Variants in SUSD4 observed in about 807,000 individuals in gnomAD.
The protein encoded by SUSD4 is sushi domain containing 4.
A neutral mutation model predicts 50.5 loss-of-function variants in SUSD4; 41 were observed. The ratio of observed to expected loss-of-function variants is 0.81; its 90% CI spans 0.63 to 1.05. The LOEUF is 1.05. Among genes scored for constraint, SUSD4 ranks in the 50% least tolerant of loss-of-function variants. The pLI is 0.00. For missense variants in SUSD4, 580 were observed against 634.7 expected (o/e 0.91, Z 0.93); for synonymous variants, 257 against 257.3 (o/e 1.00, Z 0.01).
chr1:223,255,866 G>C (rs890503106), intron 5 of SUSD4, among the ~76,000 whole-genome samples: 7 of 152,222 alleles, frequency 4.6e-5, no homozygotes, highest in Non-Finnish European at 7.3e-5. Flanking sequence ...GCCCAGGAGA[G>C]GCTAATTGAG....
rs1480688813 is a variant in SUSD4 at position 223,238,440 on chromosome 1, T to C, written c.725-9052A>G. 4.6e-5 allele frequency among the ~76,000 whole-genome samples: 7 copies of C among 152,164 alleles called. No homozygotes were observed. The East Asian group carries it at 1.2e-3, about 25-fold the overall frequency. Reference sequence around the variant, plus strand: ...TTTCCTAAGGTGAAAAGTTAGATTATTGATTTTAGATCTTTCTTCTTTTCT... The same window carrying C: ...TTTCCTAAGGTGAAAAGTTAGATTACTGATTTTAGATCTTTCTTCTTTTCT... On this transcript the variant is annotated intron_variant, in intron 5 of 8. Coordinates refer to ENST00000366878, the MANE Select transcript of SUSD4 (RefSeq NM_017982.4).
intron 5 of SUSD4, among the ~76,000 whole-genome samples, chr1:223,259,100 GA>G (rs948028749): frequency 6.6e-6 from 1 of 152,150 alleles, no homozygotes; most frequent in Non-Finnish European, 1.5e-5. Flanking sequence ...GCCCCAGGGG[GA>G]CAGAGACTTT....
Position 223,221,668 on chromosome 1 carries a change from C to T in SUSD4, c.*524G>A, listed in dbSNP as rs1431818664. 2 of 154,224 alleles carry T rather than the reference C, an allele frequency of 1.3e-5. No individual in the cohort carries two copies. Among genetic ancestry groups the T allele is most frequent in the Non-Finnish European group, 2.9e-5 (2 of 69,546 alleles). 9.6% of individuals were successfully genotyped at this position (154,224 alleles called of 1,614,324 possible). On this transcript the variant is annotated 3_prime_UTR_variant, in exon 9 of 9. Coordinates refer to ENST00000366878, the MANE Select transcript of SUSD4 (RefSeq NM_017982.4). ...CTCCAAATGTCACACAAGGACCTTT[C>T]CTTTGGGAGCTGGTCCCTTGCTGAG...
chr1:223,311,339 C>A (rs998206140), intron 2 of SUSD4, among the ~76,000 whole-genome samples: 51 of 152,314 alleles, frequency 3.3e-4, no homozygotes, highest in African/African-American at 1.2e-3. Flanking sequence ...AAATATCTTT[C>A]TCTCTGGTTT....
At chr1:223,359,816 G>A (rs1214462737) in intron 2 of SUSD4, among the ~76,000 whole-genome samples, 1 of 152,128 alleles carries the variant, frequency 6.6e-6, no homozygotes, top group Non-Finnish European at 1.5e-5. Flanking sequence ...GAGAAGTTAT[G>A]GCATTTAAAA....
At chr1:223,232,880 T>C (rs138064334) in intron 5 of SUSD4, among the ~76,000 whole-genome samples, 1 of 152,300 alleles carries the variant, frequency 6.6e-6, no homozygotes, top group East Asian at 1.9e-4. Context: ...AGTGAAACAA[T>C]TCCCAACTCC....
At chr1:223,338,406 C>T (rs1230388299) in intron 2 of SUSD4, among the ~76,000 whole-genome samples, 1 of 152,162 alleles carries the variant, frequency 6.6e-6, no homozygotes, top group Non-Finnish European at 1.5e-5. Context: ...GGGGAAGCGG[C>T]CAAGACTGAG....
intron 2 of SUSD4, among the ~76,000 whole-genome samples, chr1:223,343,948 C>T (rs1467641705): frequency 6.6e-6 from 1 of 152,174 alleles, no homozygotes; most frequent in Non-Finnish European, 1.5e-5. Flanking sequence ...ACGTGTCAAC[C>T]TCTGTTGAGC....
intron 2 of SUSD4, among the ~76,000 whole-genome samples, chr1:223,347,986 G>A (rs1668136060): frequency 6.6e-6 from 1 of 151,974 alleles, no homozygotes; most frequent in South Asian, 2.1e-4. Context: ...TTCCTCATCG[G>A]TAATTAAGGC....
intron 3 of SUSD4, among the ~76,000 whole-genome samples, chr1:223,282,117 C>T (rs1021599517): frequency 7.9e-5 from 12 of 152,236 alleles, no homozygotes; most frequent in Admixed American, 2.0e-4. Flanking sequence ...TTATGACAAA[C>T]CCACAGCCAA....
At chr1:223,303,682 T>G (rs1390730941) in intron 2 of SUSD4, among the ~76,000 whole-genome samples, 4 of 152,158 alleles carry the variant, frequency 2.6e-5, no homozygotes, top group Admixed American at 2.0e-4. Context: ...TCTGGTCCCA[T>G]GAGCCGCCAA....
upstream of SUSD4, among the ~76,000 whole-genome samples, chr1:223,365,008 C>T (rs1169138915): frequency 1.3e-5 from 2 of 152,070 alleles, no homozygotes; most frequent in African/African-American, 4.8e-5. Flanking sequence ...TGGAGATGCG[C>T]GGGGCCCTCG....
intron 3 of SUSD4, among the ~76,000 whole-genome samples, chr1:223,275,380 A>G (rs537095153): frequency 2.0e-5 from 3 of 152,356 alleles, no homozygotes; most frequent in South Asian, 4.1e-4. Flanking sequence ...TAATTATTTT[A>G]TCTTTAAAGA....
intron 2 of SUSD4, among the ~76,000 whole-genome samples, chr1:223,353,749 A>G (rs1668497603): frequency 1.3e-5 from 2 of 152,172 alleles, no homozygotes; most frequent in East Asian, 3.9e-4. Flanking sequence ...AGGAAGGGGC[A>G]GCAGCAGGGA....
chr1:223,334,311 C>T (rs912487037), intron 2 of SUSD4, among the ~76,000 whole-genome samples: 32 of 151,090 alleles, frequency 2.1e-4, no homozygotes, highest in African/African-American at 7.8e-4. Context: ...GAAAAGACAG[C>T]AAAAAAGCAC....
chr1:223,323,909 C>T (rs895073878), intron 2 of SUSD4, among the ~76,000 whole-genome samples: 11 of 151,776 alleles, frequency 7.2e-5, no homozygotes, highest in African/African-American at 2.7e-4. Context: ...TGGAATCAAT[C>T]TGCCCAATTA....
intron 2 of SUSD4, among the ~76,000 whole-genome samples, chr1:223,348,946 C>G (rs991991818): frequency 1.3e-5 from 2 of 152,070 alleles, no homozygotes; most frequent in Non-Finnish European, 2.9e-5. Flanking sequence ...CCTCCAGGAG[C>G]TGGTCCATGG....
Position 223,333,185 on chromosome 1 carries a change from C to T in SUSD4, c.148+30093G>A, listed in dbSNP as rs371934106. 4.1e-4 allele frequency among the ~76,000 whole-genome samples: 63 copies of T among 152,290 alleles called. 1 individual carries two copies. The South Asian group carries it at 0.013, about 31-fold the overall frequency. On this transcript the variant is annotated intron_variant, in intron 2 of 8. Transcript: ENST00000366878. ...GTGCACACACCCACGGGTGCACACC[C>T]TCCTTACTGAGAGGCAGTGCCAGGA...
intron 3 of SUSD4, among the ~76,000 whole-genome samples, chr1:223,278,619 G>A (rs1315151262): frequency 6.6e-6 from 1 of 152,240 alleles, no homozygotes; most frequent in Admixed American, 6.5e-5. Flanking sequence ...GCCTGCCTCT[G>A]TAGACTCCAC....
Sources: allele counts gnomAD v4.1 joint callset (sites outside exome capture counted in the v4.1 genomes callset), GRCh38; gene constraint gnomAD v4.1.1; transcripts MANE v1.5; gene names NCBI Gene and HGNC (gene_info 2026-07-23, HGNC 2026-07-21).